Variants in AUTS2 observed in about 807,000 individuals in gnomAD.
AUTS2 encodes activator of transcription and developmental regulator AUTS2, also known as autism susceptibility gene 2 protein.
Under a neutral mutation model 112.4 loss-of-function variants are expected in AUTS2, and 17 were observed. That is an observed-to-expected ratio of 0.15 (90% confidence interval 0.10 to 0.23). The LOEUF is 0.23. Ranked by LOEUF, AUTS2 falls within the 10% of genes least tolerant of loss-of-function variation. The pLI, the probability that AUTS2 is intolerant of heterozygous loss-of-function variation, is 1.00. For missense variants in AUTS2, 1,510 were observed against 1,701.6 expected (o/e 0.89, Z 1.98); for synonymous variants, 751 against 702.7 (o/e 1.07, Z -1.09).
intron 2 of AUTS2, among the ~76,000 whole-genome samples, chr7:70,045,088 G>C (rs1801441014): frequency 6.6e-6 from 1 of 152,058 alleles, no homozygotes; most frequent in Non-Finnish European, 1.5e-5. Context: ...ATTTCAGTTA[G>C]TACAGTTAAT....
At chr7:70,663,667 A>G (rs1463660645) in intron 5 of AUTS2, among the ~76,000 whole-genome samples, 1 of 152,036 alleles carries the variant, frequency 6.6e-6, no homozygotes, top group Non-Finnish European at 1.5e-5. Flanking sequence ...GCCATTGCCA[A>G]GAACTAGTCA....
intron 5 of AUTS2, among the ~76,000 whole-genome samples, chr7:70,693,524 T>C (rs1808868148): frequency 6.6e-6 from 1 of 152,204 alleles, no homozygotes; most frequent in South Asian, 2.1e-4. Context: ...CTGCGGTCAG[T>C]CGGCTGTGGT....
chr7:70,731,619 C>T (rs1335438133), intron 6 of AUTS2, among the ~76,000 whole-genome samples: 9 of 151,458 alleles, frequency 5.9e-5, no homozygotes, highest in East Asian at 2.0e-4. Flanking sequence ...TTAGTAGAGA[C>T]GGGGTTTCAC....
intron 5 of AUTS2, among the ~76,000 whole-genome samples, chr7:70,535,051 A>G (rs1274194301): frequency 6.8e-6 from 1 of 146,048 alleles, no homozygotes; most frequent in Non-Finnish European, 1.5e-5. Context: ...AAAAAAAAAA[A>G]GATGTAATGT....
chr7:70,273,982 TA>T (rs1472961059), intron 4 of AUTS2, among the ~76,000 whole-genome samples: 2 of 152,156 alleles, frequency 1.3e-5, no homozygotes, highest in African/African-American at 4.8e-5. Flanking sequence ...TTAGTAAAAA[TA>T]ATGATACTGT....
intron 5 of AUTS2, among the ~76,000 whole-genome samples, chr7:70,501,746 C>T (rs905702712): frequency 1.3e-5 from 2 of 152,120 alleles, no homozygotes; most frequent in African/African-American, 4.8e-5. Flanking sequence ...AACCATCAAA[C>T]TCCATATGAT....
intron 5 of AUTS2, among the ~76,000 whole-genome samples, chr7:70,534,688 AGTGCT>A (rs1472242229): frequency 6.6e-6 from 1 of 152,100 alleles, no homozygotes. Context: ...GGCCTCCCAA[AGTGCT>A]GGGATTACAG....
At chr7:69,876,325 CAAAAAAAA>C (rs1167965776) in intron 1 of AUTS2, among the ~76,000 whole-genome samples, 24 of 26,164 alleles carry the variant, frequency 9.2e-4, no homozygotes, top group South Asian at 5.3e-3. Flanking sequence ...GACTCTGTCT[CAAAAAAAA>C]AAAAAAAAAA....
chr7:70,495,711 A>ACG (rs1798439776), intron 5 of AUTS2, among the ~76,000 whole-genome samples: 1 of 80,606 alleles, frequency 1.2e-5, no homozygotes, highest in African/African-American at 5.1e-5. Context: ...ACACACACAC[A>ACG]CCCCACACAT....
intron 2 of AUTS2, among the ~76,000 whole-genome samples, chr7:69,905,323 G>A (rs1287906690): frequency 6.6e-6 from 1 of 152,152 alleles, no homozygotes; most frequent in Non-Finnish European, 1.5e-5. Flanking sequence ...TCTCTGGAGA[G>A]CAAGTACCAG....
intron 5 of AUTS2, among the ~76,000 whole-genome samples, chr7:70,509,901 T>C (rs940246846): frequency 3.3e-5 from 5 of 152,178 alleles, no homozygotes; most frequent in African/African-American, 1.2e-4. Context: ...CCCTATTTCT[T>C]TGCTTTCTTA....
At chr7:70,244,798 T>G (rs2129601612) in intron 4 of AUTS2, among the ~76,000 whole-genome samples, 1 of 152,276 alleles carries the variant, frequency 6.6e-6, no homozygotes, top group East Asian at 1.9e-4. Context: ...TTGAACTGTT[T>G]AGAAACACTA....
intron 5 of AUTS2, among the ~76,000 whole-genome samples, chr7:70,491,536 A>T (rs954558617): frequency 2.7e-5 from 4 of 148,128 alleles, no homozygotes; most frequent in African/African-American, 9.8e-5. Context: ...TATATTATAT[A>T]TACACATATA....
At chr7:70,139,475 A>G (rs1313041792) in intron 4 of AUTS2, among the ~76,000 whole-genome samples, 1 of 152,188 alleles carries the variant, frequency 6.6e-6, no homozygotes, top group Non-Finnish European at 1.5e-5. Context: ...TACTCATAGC[A>G]TTCTATTTTC....
intron 5 of AUTS2, among the ~76,000 whole-genome samples, chr7:70,578,139 T>C (rs1802260192): frequency 6.6e-6 from 1 of 152,158 alleles, no homozygotes; most frequent in Non-Finnish European, 1.5e-5. Flanking sequence ...CTTTTGTCCA[T>C]ATGTGTTTTG....
chr7:70,059,481 G>T lies in AUTS2; in HGVS notation c.523-58651G>T, dbSNP rs569225799. On this transcript the variant is annotated intron_variant, in intron 2 of 18. Coordinates refer to ENST00000342771, the MANE Select transcript of AUTS2 (RefSeq NM_015570.4). The stretch of plus-strand genomic sequence containing the variant: ...ACATTTATGCGCAGATTTCTGTGTG[G>T]AGATCTTAACATTCACATTGGTTAC... Among the ~76,000 whole-genome samples the T allele has an allele frequency of 5.3e-5, 8 of 152,086 alleles. 1 individual carries two copies. The highest frequency in any genetic ancestry group is 1.4e-4 in the African/African-American group (6 of 41,452).
chr7:69,982,350 C>CAGAGAA (rs1798329885), intron 2 of AUTS2, among the ~76,000 whole-genome samples: 2 of 152,114 alleles, frequency 1.3e-5, no homozygotes, highest in Admixed American at 6.6e-5. Context: ...GTAAAATCCT[C>CAGAGAA]AGCTGTGGCT....
At chr7:70,028,072 C>CA (rs918431883) in intron 2 of AUTS2, among the ~76,000 whole-genome samples, 2 of 151,856 alleles carry the variant, frequency 1.3e-5, no homozygotes, top group African/African-American at 4.8e-5. Flanking sequence ...CCGCCCCCCC[C>CA]ACCCTCATCT....
At chr7:70,208,645 A>G (rs1005675567) in intron 4 of AUTS2, among the ~76,000 whole-genome samples, 1 of 152,086 alleles carries the variant, frequency 6.6e-6, no homozygotes, top group Admixed American at 6.5e-5. Context: ...GATAACTCAT[A>G]AAGAAGGAAA....
Sources: allele counts gnomAD v4.1 joint callset (sites outside exome capture counted in the v4.1 genomes callset), GRCh38; gene constraint gnomAD v4.1.1; transcripts MANE v1.5; gene names NCBI Gene and HGNC (gene_info 2026-07-23, HGNC 2026-07-21).